The following TMEM132E variants were observed in gnomAD, a reference collection of about 807,000 sequenced individuals.
TMEM132E encodes the protein transmembrane protein 132E.
In TMEM132E, 49 loss-of-function variants were observed where a neutral mutation model predicts 78.5. That is an observed-to-expected ratio of 0.62 (90% confidence interval 0.50 to 0.79). The LOEUF is 0.79. Ranked by LOEUF, TMEM132E falls within the 30% of genes least tolerant of loss-of-function variation. The probability of loss-of-function intolerance (pLI) is 0.00; values close to 1 mark genes in which losing one functional copy is unlikely to be tolerated. For missense variants in TMEM132E, 1,403 were observed against 1,470.9 expected, an observed-to-expected ratio of 0.95 and a Z score of 0.75; for synonymous variants, 715 against 670.6, an observed-to-expected ratio of 1.07 and a Z score of -1.02.
chr17:34,636,119 C>A lies in TMEM132E; in HGVS notation c.2090C>A (p.Ser697Tyr), dbSNP rs772283717. Residue 697 changes from serine to tyrosine, a missense_variant, in exon 8 of 9, where the codon TCC becomes TAC. This residue lies in a region of TMEM132E where 888 missense variants were observed against 952.8 expected (regional missense o/e 0.93). Coordinates refer to ENST00000631683, the MANE Select transcript of TMEM132E (RefSeq NM_001304438.2). ...QAQVVASLALSLRPSPGSSHT... is the reference protein window; with the variant it reads ...QAQVVASLALYLRPSPGSSHT... ...CAGGTGGTGGCCAGCCTGGCCCTCT[C>A]CCTGCGGCCCAGCCCTGGGAGCAGC... The A allele has an allele frequency of 3.8e-6, 6 of 1,593,490 alleles. No individual in the cohort carries two copies. Among genetic ancestry groups the A allele is most frequent in the Non-Finnish European group, 5.1e-6 (6 of 1,170,966 alleles).
At chr17:34,626,014 T>A in intron 1 of TMEM132E, 113 bp from the exon 2 acceptor site, 1 of 1,006,902 alleles carries the variant, frequency 9.9e-7, no homozygotes, top group Non-Finnish European at 1.4e-6. Flanking sequence ...CCTGCCCAGC[T>A]AGAGGAGTTG....
At chr17:34,617,378 C>G (rs1483793771) in intron 1 of TMEM132E, among the ~76,000 whole-genome samples, 1 of 152,220 alleles carries the variant, frequency 6.6e-6, no homozygotes, top group Non-Finnish European at 1.5e-5. Context: ...CATCTCTGTA[C>G]TTGTCTTATT....
At chr17:34,608,161 G>C (rs1906476713) in intron 1 of TMEM132E, among the ~76,000 whole-genome samples, 1 of 152,164 alleles carries the variant, frequency 6.6e-6, no homozygotes, top group African/African-American at 2.4e-5. Context: ...TAGTTGAAAA[G>C]GGCTTATCAT....
Position 34,638,196 on chromosome 17 carries a change from G to T in TMEM132E, c.3189G>T (p.Leu1063=). 2 of 1,602,716 alleles carry T rather than the reference G, an allele frequency of 1.2e-6. No homozygotes were observed. The highest frequency in any genetic ancestry group is 1.7e-6 in the Non-Finnish European group (2 of 1,176,042). ...GPTRPTAPPD[L]HNYMRRIKEI... Reference sequence around the variant, plus strand: ...CGCGGCCCACTGCACCCCCGGACCTGCACAATTACATGCGCAGAATCAAAG... The same window carrying T: ...CGCGGCCCACTGCACCCCCGGACCTTCACAATTACATGCGCAGAATCAAAG... Residue 1063 remains leucine (L), a synonymous_variant, in exon 9 of 9, where the codon CTG becomes CTT. Transcript: ENST00000631683.
In TMEM132E at chr17:34,628,477, C is replaced by G. The variant is rs542733866; in HGVS notation, c.999-86C>G. The G allele has an allele frequency of 7.9e-6, 12 of 1,517,260 alleles. No individual in the cohort carries two copies. The African/African-American group carries it at 1.1e-4, about 14-fold the overall frequency. 94.0% of individuals were successfully genotyped at this position (1,517,260 alleles called of 1,614,324 possible). On this transcript the variant is annotated intron_variant, in intron 2 of 8. Transcript: ENST00000631683. ...TTAGCTTATCTGTTCCCCCTCCCCCCAGTACAGTCTAGTGATGGTGGCCAG... is the reference window on the plus strand; with the variant it reads ...TTAGCTTATCTGTTCCCCCTCCCCCGAGTACAGTCTAGTGATGGTGGCCAG...
At chr17:34,609,614 G>A (rs868561188) in intron 1 of TMEM132E, among the ~76,000 whole-genome samples, 1 of 152,210 alleles carries the variant, frequency 6.6e-6, no homozygotes, top group South Asian at 2.1e-4. Context: ...GGATGTGGAG[G>A]AGACAAAGAC....
rs1906441146 is a variant in TMEM132E at position 34,607,142 on chromosome 17, TAAC to T, written c.68-18984_68-18982del. Reference sequence around the variant, plus strand: ...TACAGCTCTGACCCTGAGAAATTACTAACCCATTTTTGGTTCCAAGACAGCCTT... The same window carrying T: ...TACAGCTCTGACCCTGAGAAATTACTCCATTTTTGGTTCCAAGACAGCCTT... On this transcript the variant is annotated intron_variant, in intron 1 of 8. Coordinates refer to ENST00000631683, the MANE Select transcript of TMEM132E (RefSeq NM_001304438.2). Among the ~76,000 whole-genome samples the T allele has an allele frequency of 2.0e-5, 3 of 152,248 alleles. No homozygotes were observed. The South Asian group carries it at 6.2e-4, about 32-fold the overall frequency.
chr17:34,629,914 T>TTG lies in TMEM132E; in HGVS notation c.1339-94_1339-93insTG, dbSNP rs537991478. On this transcript the variant is annotated intron_variant, in intron 4 of 8. Transcript: ENST00000631683. ...ACTGGAAGGATGTGCATCTGAGGAG[T>TTG]GGGGGGGGAGCGTCCAGGAGCTGGG... The TTG allele has an allele frequency of 2.8e-5, 34 of 1,210,730 alleles. No homozygotes were observed. In the African/African-American group the frequency reaches 4.5e-4, roughly 16 times the overall value. The allele number at this position is 1,210,730 out of a possible 1,614,324, so 75.0% of individuals were successfully genotyped here.
rs192857343 is a variant in TMEM132E, at chr17:34,618,030, C to T, written c.68-8097C>T. Reference sequence around the variant, plus strand: ...ATTATGCCATATAGCCAGTTTAATGCCCTGCTTTGTTAATTCGCACTATTT... The same window carrying T: ...ATTATGCCATATAGCCAGTTTAATGTCCTGCTTTGTTAATTCGCACTATTT... On this transcript the variant is annotated intron_variant, in intron 1 of 8. Transcript: ENST00000631683. 2.1e-4 allele frequency among the ~76,000 whole-genome samples: 32 copies of T among 152,262 alleles called. 1 individual carries two copies. The highest frequency in any genetic ancestry group is 4.3e-4 in the Non-Finnish European group (29 of 68,038).
At chr17:34,629,969 G>T (rs1451983865) in intron 4 of TMEM132E, 39 bp from the exon 5 acceptor site, 5 of 1,573,040 alleles carry the variant, frequency 3.2e-6, no homozygotes, top group Non-Finnish European at 4.3e-6. Flanking sequence ...AGGACAGAAG[G>T]GGACCACAAG....
Position 34,638,255 on chromosome 17 carries a change from G to A in TMEM132E, c.*23G>A. On this transcript the variant is annotated 3_prime_UTR_variant, in exon 9 of 9. Coordinates refer to ENST00000631683, the MANE Select transcript of TMEM132E (RefSeq NM_001304438.2). ...TAGAGGCGCCAGCCGGAGTAGCAGG[G>A]ACCCCCCCCCCCAACGGGGTCAGCT... is the stretch of plus-strand genomic sequence containing the variant. 1 of 1,461,550 alleles carries A rather than the reference G, an allele frequency of 6.8e-7. No homozygotes were observed. The highest frequency in any genetic ancestry group is 9.0e-7 in the Non-Finnish European group (1 of 1,110,250). The allele number at this position is 1,461,550 out of a possible 1,614,324, so 90.5% of individuals were successfully genotyped here.
chr17:34,595,462 G>T (rs2142055523), intron 1 of TMEM132E, among the ~76,000 whole-genome samples: 1 of 152,344 alleles, frequency 6.6e-6, no homozygotes. Context: ...CCTGCATACA[G>T]CTGGCACTAG....
intron 1 of TMEM132E, among the ~76,000 whole-genome samples, chr17:34,596,389 A>G (rs879600123): frequency 6.6e-6 from 1 of 152,204 alleles, no homozygotes; most frequent in Non-Finnish European, 1.5e-5. Flanking sequence ...AGACAGAATT[A>G]GCAGAGCAGG....
chr17:34,634,776 A>C (rs369810785), intron 6 of TMEM132E, 23 bp from the exon 7 acceptor site: 8 of 1,598,142 alleles, frequency 5.0e-6, no homozygotes, highest in Non-Finnish European at 6.8e-6. Flanking sequence ...AGAAGCCTTC[A>C]GCATGGCATG....
chr17:34,604,185 A>T (rs143137462), intron 1 of TMEM132E, among the ~76,000 whole-genome samples: 144 of 152,316 alleles, frequency 9.5e-4, no homozygotes, highest in South Asian at 2.3e-3. Context: ...CACAGCACTG[A>T]TAACAGTGGG....
rs1907151042 is a variant in TMEM132E, at chr17:34,626,781, C to T, written c.722C>T (p.Ala241Val). Residue 241 changes from alanine (A) to valine (V), a missense_variant, in exon 2 of 9, where the codon GCG becomes GTG. Ala to Val is a moderately conservative substitution (Grantham distance 64, BLOSUM62 0). Transcript: ENST00000631683. ...ELYYTLHAPDASGGCGGSRRG... is the reference protein window; with the variant it reads ...ELYYTLHAPDVSGGCGGSRRG... ...TACTACACGCTCCACGCCCCTGATG[C>T]GTCGGGGGGCTGCGGGGGCTCCCGC... The T allele has an allele frequency of 1.3e-6, 2 of 1,482,668 alleles. No homozygotes were observed. Among genetic ancestry groups the T allele is most frequent in the Admixed American group, 2.0e-5 (1 of 49,268 alleles). 91.8% of individuals were successfully genotyped at this position (1,482,668 alleles called of 1,614,324 possible).
At chr17:34,604,684 G>C (rs1377700293) in intron 1 of TMEM132E, among the ~76,000 whole-genome samples, 2 of 152,098 alleles carry the variant, frequency 1.3e-5, no homozygotes, top group Non-Finnish European at 2.9e-5. Context: ...TGACCTCTCT[G>C]TGCCCCTCCT....
Position 34,637,816 on chromosome 17 carries a change from T to G in TMEM132E, c.2809T>G (p.Phe937Val). The G allele has an allele frequency of 6.2e-7, 1 of 1,611,958 alleles. No homozygotes were observed. Among genetic ancestry groups the G allele is most frequent in the Non-Finnish European group, 8.5e-7 (1 of 1,179,202 alleles). The stretch of plus-strand genomic sequence containing the variant: ...CATGGACCACTCTCACCACTGGGTG[T>G]TCCTGGGCAACGGGCAGCCGCTGCG... ...TSMDHSHHWV[F>V]LGNGQPLRVQ... The change falls in exon 9 of 9, where the codon TTC (phenylalanine) becomes GTC (valine). Residue 937 changes from phenylalanine (F) to valine (V), a missense_variant. Phe to Val is a conservative substitution (Grantham distance 50). Coordinates refer to ENST00000631683, the MANE Select transcript of TMEM132E (RefSeq NM_001304438.2).
intron 6 of TMEM132E, among the ~76,000 whole-genome samples, chr17:34,633,880 G>A (rs921171638): frequency 1.2e-4 from 18 of 152,182 alleles, no homozygotes; most frequent in Admixed American, 2.0e-4. Context: ...AGGATGTAGC[G>A]GACTCTGAAG....
Sources: gnomAD v4.1 joint callset for allele counts (sites outside exome capture counted in the v4.1 genomes callset) on GRCh38, gnomAD v4.1.1 for gene constraint, gnomAD v4.1.1 regional missense constraint, MANE v1.5 for transcripts, NCBI Gene and HGNC (gene_info 2026-07-23, HGNC 2026-07-21) for gene names.